The following DALRD3 variants were observed in gnomAD, a reference collection of about 807,000 sequenced individuals.
DALRD3 encodes DALR anticodon binding domain containing 3, also known as DALR anticodon-binding domain-containing protein 3.
A neutral mutation model predicts 56.7 loss-of-function variants in DALRD3; 47 were observed. That is an observed-to-expected ratio of 0.83 (90% CI 0.66 to 1.06). The LOEUF is 1.06. Among genes scored for constraint, DALRD3 ranks in the 50% least tolerant of loss-of-function variants. DALRD3 has a pLI of 0.00. For missense variants in DALRD3, 787 were observed against 724.0 expected (o/e 1.09, Z -1.00); for synonymous variants, 347 against 308.5 (o/e 1.12, Z -1.31).
chr3:49,017,111 C>G, intron 5 of DALRD3, 117 bp downstream of exon 5: 1 of 1,455,774 alleles, frequency 6.9e-7, no homozygotes, highest in South Asian at 1.3e-5. Flanking sequence ...AGTCCAGCAA[C>G]TCCCCCAAGG....
In DALRD3 at chr3:49,015,863, A is replaced by G; in HGVS notation, c.1453T>C (p.Phe485Leu). The change falls in exon 11 of 12, where the codon TTC (phenylalanine) becomes CTC (leucine). Residue 485 changes from phenylalanine (F) to leucine (L), a missense_variant. Transcript: ENST00000341949. ...IAVRTEMICKFLVQLSMDFSS... is the reference protein window; with the variant it reads ...IAVRTEMICKLLVQLSMDFSS... ...AAATCCATGCTGAGCTGTACCAGGAACTTGCATATCTAGAGACAGAGACTG... is the reference window on the plus strand; with the variant it reads ...AAATCCATGCTGAGCTGTACCAGGAGCTTGCATATCTAGAGACAGAGACTG... 6.2e-7 allele frequency: 1 copy of G among 1,614,156 alleles called. No homozygotes were observed. Among genetic ancestry groups the G allele is most frequent in the Non-Finnish European group, 8.5e-7 (1 of 1,180,038 alleles).
At position 49,016,792 on chromosome 3, in the gene DALRD3, G is replaced by GCC; in HGVS notation, c.982_983insGG (p.Thr328ArgfsTer20). 6.2e-7 allele frequency: 1 copy of GCC among 1,614,200 alleles called. No individual in the cohort carries two copies. Among genetic ancestry groups the GCC allele is most frequent in the Non-Finnish European group, 8.5e-7 (1 of 1,180,028 alleles). The stretch of plus-strand genomic sequence containing the variant: ...CACTCACTCGTAGTACTCAGGGGCA[G>GCC]TCATCAGAGTGCCAGGTGCACCAGC... On this transcript the variant is annotated frameshift_variant, in exon 6 of 12. Transcript: ENST00000341949. LOFTEE classifies it high-confidence loss of function.
At position 49,018,383 on chromosome 3, in the gene DALRD3, G is replaced by C; in HGVS notation, c.165+17C>G. 6.5e-7 allele frequency: 1 copy of C among 1,547,914 alleles called. No homozygotes were observed. The highest frequency in any genetic ancestry group is 8.7e-7 in the Non-Finnish European group (1 of 1,149,436). Reference sequence around the variant, plus strand: ...GCCCATCTCCCGGCCGCACGGCCCCGCCCGGCTCACGCCCACCTGGCCGTC... The same window carrying C: ...GCCCATCTCCCGGCCGCACGGCCCCCCCCGGCTCACGCCCACCTGGCCGTC... On this transcript the variant is annotated intron_variant, in intron 1 of 11. Coordinates refer to ENST00000341949, the MANE Select transcript of DALRD3 (RefSeq NM_001009996.3).
upstream of DALRD3, chr3:49,020,789 G>C (rs368020721): frequency 7.4e-6 from 3 of 406,488 alleles, no homozygotes; most frequent in East Asian, 2.2e-4. Flanking sequence ...CCCAGTCCCA[G>C]GAGGAAGACC....
At chr3:49,017,049 C>G (rs1414833203) in intron 5 of DALRD3, 179 bp downstream of exon 5, 2 of 979,536 alleles carry the variant, frequency 2.0e-6, no homozygotes, top group African/African-American at 3.2e-5. Flanking sequence ...TGGGATGTGT[C>G]TACAGACCCC....
At chr3:49,020,525 C>G (rs1324299666), upstream of DALRD3, 1 of 432,864 alleles carries the variant, frequency 2.3e-6, no homozygotes, top group African/African-American at 2.0e-5. Context: ...CACCTCCAGC[C>G]TGAGGGCGCA....
In DALRD3 at chr3:49,016,648, C is replaced by G. The variant is rs1485033428; in HGVS notation, c.1027G>C (p.Ala343Pro). ...TCCCCACCATGCTTCAGTGCTGAGG[C>G]CTTGCACACCTGGGTATGCCGGAAC... ...YEFRHTQVCK[A>P]SALKHGGDLA... The change falls in exon 7 of 12, where the codon GCC (alanine) becomes CCC (proline). Residue 343 changes from alanine (A) to proline (P), a missense_variant. By Grantham distance (27) the Ala-to-Pro change is conservative. Coordinates refer to ENST00000341949, the MANE Select transcript of DALRD3 (RefSeq NM_001009996.3). The G allele has an allele frequency of 1.3e-6, 2 of 1,594,876 alleles. No homozygotes were observed. Among genetic ancestry groups the G allele is most frequent in the South Asian group, 1.1e-5 (1 of 87,836 alleles).
At position 49,017,258 on chromosome 3, in the gene DALRD3, CT is replaced by C. The variant is rs1368682402; in HGVS notation, c.896del (p.Gln299ArgfsTer19). 2.5e-6 allele frequency: 4 copies of C among 1,614,052 alleles called. No homozygotes were observed. In the Admixed American group the frequency reaches 6.7e-5, roughly 27 times the overall value. ...FQQQKLDLLW[Q>X]KLVDKAPLRQ... ...TGAGTGGAGCCTTGTCAACCAACTT[CT>C]GCCAAAGCAGGTCCAACTTCTGTTG... On this transcript the variant is annotated frameshift_variant, in exon 5 of 12. Coordinates refer to ENST00000341949, the MANE Select transcript of DALRD3 (RefSeq NM_001009996.3). LOFTEE classifies it high-confidence loss of function.
Position 49,016,164 on chromosome 3 carries a change from A to G in DALRD3, c.1323T>C (p.His441=), listed in dbSNP as rs2093065880. 4 of 1,613,918 alleles carry G rather than the reference A, an allele frequency of 2.5e-6. No individual in the cohort carries two copies. Among genetic ancestry groups the G allele is most frequent in the Non-Finnish European group, 3.4e-6 (4 of 1,179,924 alleles). ...PVSSLDFSLL[H]DEGEWLLLFN... Reference sequence around the variant, plus strand: ...TACCAGGAGGGACACTCACCTCATCATGTAGCAGTGAGAAGTCCAGACTGC... The same window carrying G: ...TACCAGGAGGGACACTCACCTCATCGTGTAGCAGTGAGAAGTCCAGACTGC... Residue 441 remains histidine, a synonymous_variant, in exon 9 of 12, where the codon CAT becomes CAC. Transcript: ENST00000341949.
At chr3:49,020,644 A>AG (rs775175307), upstream of DALRD3, 3 of 488,294 alleles carry the variant, frequency 6.1e-6, no homozygotes, top group Admixed American at 4.5e-5. Flanking sequence ...GACGAAATCC[A>AG]AGCGCAGCTG....
chr3:49,016,731 C>T, intron 6 of DALRD3, 43 bp downstream of exon 6: 2 of 1,614,018 alleles, frequency 1.2e-6, no homozygotes, highest in Non-Finnish European at 1.7e-6. Flanking sequence ...AGTCCCCCCT[C>T]ATTACCCTGG....
chr3:49,018,164 G>T lies in DALRD3; in HGVS notation c.320C>A (p.Thr107Lys). ...RVLSAVAAYA[T>K]PASPASLGQR... ...GCCCAGCGAGGCAGGCGAGGCGGGCGTGGCATAGGCGGCCACGGCGCTGAG... is the reference window on the plus strand; with the variant it reads ...GCCCAGCGAGGCAGGCGAGGCGGGCTTGGCATAGGCGGCCACGGCGCTGAG... The change falls in exon 2 of 12, where the codon ACG becomes AAG. Residue 107 changes from threonine (T) to lysine (K), a missense_variant. By Grantham distance (78) the Thr-to-Lys change is moderately conservative. Transcript: ENST00000341949. 1.4e-6 allele frequency: 2 copies of T among 1,455,824 alleles called. No homozygotes were observed. Among genetic ancestry groups the T allele is most frequent in the Admixed American group, 2.8e-5 (1 of 35,584 alleles). 90.2% of individuals were successfully genotyped at this position (1,455,824 alleles called of 1,614,324 possible). A position where few individuals can be genotyped will look rare whatever the true frequency, so the allele number is the denominator to read the frequency against.
upstream of DALRD3, chr3:49,020,671 A>T: frequency 2.0e-6 from 1 of 493,170 alleles, no homozygotes; most frequent in Non-Finnish European, 4.2e-6. Flanking sequence ...TCTGGAGACA[A>T]CAGCTGCTTT....
At position 49,016,776 on chromosome 3, in the gene DALRD3, G is replaced by T. The variant is rs756273977; in HGVS notation, c.999C>A (p.Tyr333Ter). The T allele has an allele frequency of 6.2e-7, 1 of 1,614,184 alleles. No homozygotes were observed. Among genetic ancestry groups the T allele is most frequent in the Non-Finnish European group, 8.5e-7 (1 of 1,180,018 alleles). Residue 333 changes from tyrosine to a stop codon, truncating the protein, a stop_gained and splice_region_variant, in exon 6 of 12, where the codon TAC (tyrosine) becomes TAA (stop). Coordinates refer to ENST00000341949, the MANE Select transcript of DALRD3 (RefSeq NM_001009996.3). LOFTEE classifies it high-confidence loss of function. ...PGTLMTAPEY[Y>*]EFRHTQVCKA... Reference sequence around the variant, plus strand: ...GTGTTCCTCCCAGCCTCACTCACTCGTAGTACTCAGGGGCAGTCATCAGAG... The same window carrying T: ...GTGTTCCTCCCAGCCTCACTCACTCTTAGTACTCAGGGGCAGTCATCAGAG...
Position 49,015,524 on chromosome 3 carries a change from GT to G in DALRD3, c.*63del. On this transcript the variant is annotated 3_prime_UTR_variant, in exon 12 of 12. Transcript: ENST00000341949. The stretch of plus-strand genomic sequence containing the variant: ...CAGTACCAATTTATTTTGGCCGTGG[GT>G]TTTTGCTTTTTTTCCAGTTGATGAC... The G allele has an allele frequency of 3.7e-6, 6 of 1,601,214 alleles. No homozygotes were observed. Among genetic ancestry groups the G allele is most frequent in the South Asian group, 2.2e-5 (2 of 89,818 alleles).
In DALRD3 at chr3:49,016,619, C is replaced by T. The variant is rs2093077925; in HGVS notation, c.1056G>A (p.Leu352=). Residue 352 remains leucine, a synonymous_variant, in exon 7 of 12, where the codon CTG becomes CTA. Transcript: ENST00000341949. ...KASALKHGGD[L]AQDPAWTEIF... is the part of the protein sequence containing the mutation. The stretch of plus-strand genomic sequence containing the variant: ...AGGGTTTCCCAGGCACACCTTGTGC[C>T]AGATCCCCACCATGCTTCAGTGCTG... 9 of 1,585,196 alleles carry T rather than the reference C, an allele frequency of 5.7e-6. No homozygotes were observed. The highest frequency in any genetic ancestry group is 7.7e-6 in the Non-Finnish European group (9 of 1,164,596).
chr3:49,020,254 C>CT (rs1559910013), upstream of DALRD3: 1 of 533,656 alleles, frequency 1.9e-6, no homozygotes. Context: ...GGTGCATGAC[C>CT]TGGAGACAAC....
Position 49,017,587 on chromosome 3 carries a change from TGGCCCTGCTA to T in DALRD3, c.718+16_718+25del. 1 of 1,614,022 alleles carries T rather than the reference TGGCCCTGCTA, an allele frequency of 6.2e-7. No homozygotes were observed. The highest frequency in any genetic ancestry group is 8.5e-7 in the Non-Finnish European group (1 of 1,179,910). On this transcript the variant is annotated intron_variant, in intron 3 of 11. Transcript: ENST00000341949. Reference sequence around the variant, plus strand: ...GCCCCTAACCCCCTCCTGCCTTTTCTGGCCCTGCTAGGCTTCAGGTCCTACCCAGACAGTT... The same window carrying T: ...GCCCCTAACCCCCTCCTGCCTTTTCTGGCTTCAGGTCCTACCCAGACAGTT...
At chr3:49,016,738 C>A in intron 6 of DALRD3, 36 bp downstream of exon 6, 1 of 1,614,122 alleles carries the variant, frequency 6.2e-7, no homozygotes, top group Non-Finnish European at 8.5e-7. Flanking sequence ...CCTCATTACC[C>A]TGGCTTAGGT....
Sources: allele counts gnomAD v4.1 joint callset, GRCh38; gene constraint gnomAD v4.1.1; transcripts MANE v1.5; gene names NCBI Gene and HGNC (gene_info 2026-07-23, HGNC 2026-07-21).